The following ZNF469 variants were observed in gnomAD, a reference collection of about 807,000 sequenced individuals.
The protein encoded by ZNF469 is zinc finger protein 469.
Under a neutral mutation model 1.0 loss-of-function variants are expected in ZNF469, and 1 was observed. That is an observed-to-expected ratio of 1.00 (90% CI 0.35 to 4.73). The LOEUF (loss-of-function observed/expected upper bound fraction) is 4.73, where lower values mean the gene tolerates loss of function less well. Ranked by LOEUF, ZNF469 falls within the 30% of genes most tolerant of loss-of-function variation. ZNF469 has a pLI of 0.16. For missense variants in ZNF469, 6,100 were observed against 5,356.3 expected (o/e 1.14, Z -4.33); for synonymous variants, 2,703 against 2,363.4 (o/e 1.14, Z -4.17).
the ZNF469 span, among the ~76,000 whole-genome samples, chr16:88,208,199 C>A: frequency 9.9e-5 from 15 of 151,858 alleles, no homozygotes; most frequent in Non-Finnish European, 1.8e-4. Context: ...CCCTTCAAGC[C>A]AATTCCTGTG....
At chr16:88,425,201 A>G (rs542527116) in intron 2 of ZNF469, among the ~76,000 whole-genome samples, 29 of 151,824 alleles carry the variant, frequency 1.9e-4, no homozygotes, top group Non-Finnish European at 3.5e-4. Context: ...ACTCCTCCCC[A>G]CCATCCAGGA....
chr16:88,117,694 T>G, the ZNF469 span, among the ~76,000 whole-genome samples: 1 of 152,138 alleles, frequency 6.6e-6, no homozygotes, highest in African/African-American at 2.4e-5. Flanking sequence ...TCGGGGACCG[T>G]GGAAGAGGGG....
chr16:88,157,603 G>A, the ZNF469 span, among the ~76,000 whole-genome samples: 4 of 151,998 alleles, frequency 2.6e-5, no homozygotes, highest in African/African-American at 4.8e-5. Context: ...ACAGCACCAT[G>A]ACAGACCCTC....
At chr16:88,339,295 G>A in the ZNF469 span, among the ~76,000 whole-genome samples, 1 of 13,660 alleles carries the variant, frequency 7.3e-5, no homozygotes, top group Non-Finnish European at 1.7e-4. Context: ...ACAGGATGGC[G>A]GGGGATGGGG....
the ZNF469 span, among the ~76,000 whole-genome samples, chr16:88,337,997 A>G: frequency 6.6e-6 from 1 of 152,152 alleles, no homozygotes; most frequent in Non-Finnish European, 1.5e-5. Context: ...ATGAGGATCC[A>G]CTTTCTCTAT....
At chr16:88,254,159 C>T in the ZNF469 span, among the ~76,000 whole-genome samples, 2 of 152,142 alleles carry the variant, frequency 1.3e-5, no homozygotes, top group Non-Finnish European at 2.9e-5. Flanking sequence ...TATGTTTAGG[C>T]AACAATGCAT....
At chr16:88,305,473 C>T in the ZNF469 span, among the ~76,000 whole-genome samples, 2 of 150,710 alleles carry the variant, frequency 1.3e-5, no homozygotes, top group African/African-American at 4.9e-5. Flanking sequence ...CACACCCTCA[C>T]ACGTGCACAC....
chr16:88,374,740 C>T, the ZNF469 span, among the ~76,000 whole-genome samples: 1 of 152,144 alleles, frequency 6.6e-6, no homozygotes, highest in East Asian at 1.9e-4. Flanking sequence ...CTGAGCTCGG[C>T]GCCGTGTGCT....
the ZNF469 span, among the ~76,000 whole-genome samples, chr16:88,327,573 C>T: frequency 3.4e-4 from 52 of 152,192 alleles, no homozygotes; most frequent in Middle Eastern, 0.01. Context: ...TCTGTGCTCA[C>T]GGTGGGCTGC....
chr16:88,284,404 C>T, the ZNF469 span, among the ~76,000 whole-genome samples: 2 of 152,104 alleles, frequency 1.3e-5, no homozygotes, highest in Admixed American at 6.5e-5. Context: ...TGACTTGAGC[C>T]CATGAGTTTG....
chr16:88,254,996 C>T, the ZNF469 span, among the ~76,000 whole-genome samples: 1 of 152,196 alleles, frequency 6.6e-6, no homozygotes, highest in Non-Finnish European at 1.5e-5. Context: ...TCTCAATAAT[C>T]TTTTGACATT....
the ZNF469 span, among the ~76,000 whole-genome samples, chr16:88,165,072 A>G: frequency 6.6e-6 from 1 of 152,232 alleles, no homozygotes; most frequent in Non-Finnish European, 1.5e-5. Flanking sequence ...CATTGTGGGC[A>G]AGTGTGCCTT....
At chr16:88,372,335 TCA>T in the ZNF469 span, among the ~76,000 whole-genome samples, 1 of 67,996 alleles carries the variant, frequency 1.5e-5, no homozygotes, top group Non-Finnish European at 2.9e-5. Flanking sequence ...ATCACCACCA[TCA>T]TCACCATCAC....
At chr16:88,264,259 G>A in the ZNF469 span, among the ~76,000 whole-genome samples, 13 of 151,982 alleles carry the variant, frequency 8.6e-5, no homozygotes, top group Non-Finnish European at 1.8e-4. Flanking sequence ...AGAGAGGAGC[G>A]GACGCCCCGT....
intron 1 of ZNF469, among the ~76,000 whole-genome samples, chr16:88,402,436 A>G (rs565679192): frequency 6.6e-6 from 1 of 152,176 alleles, no homozygotes; most frequent in Non-Finnish European, 1.5e-5. Flanking sequence ...GTGCAGTGGG[A>G]GGGAGGATGG....
At chr16:88,192,900 G>C in the ZNF469 span, among the ~76,000 whole-genome samples, 136 of 150,748 alleles carry the variant, frequency 9.0e-4, no homozygotes, top group Non-Finnish European at 1.6e-3. Flanking sequence ...TGGTGATGGT[G>C]GTGATGATGG....
the ZNF469 span, among the ~76,000 whole-genome samples, chr16:88,187,599 A>AT: frequency 0.034 from 5,092 of 151,300 alleles, 295 homozygotes; most frequent in African/African-American, 0.12. Flanking sequence ...TTTTTTATTT[A>AT]TTTTTTTTGA....
the ZNF469 span, among the ~76,000 whole-genome samples, chr16:88,180,243 A>T: frequency 6.6e-6 from 1 of 152,236 alleles, no homozygotes; most frequent in Non-Finnish European, 1.5e-5. Context: ...ACTTCCCAAT[A>T]AAAATATCCA....
At chr16:88,401,862 G>A (rs1229150247) in intron 1 of ZNF469, among the ~76,000 whole-genome samples, 1 of 151,208 alleles carries the variant, frequency 6.6e-6, no homozygotes, top group Non-Finnish European at 1.5e-5. Flanking sequence ...AAGGGTGGAG[G>A]AATAGGTAGA....
Sources: allele counts gnomAD v4.1 joint callset (sites outside exome capture counted in the v4.1 genomes callset), GRCh38; gene constraint gnomAD v4.1.1; transcripts MANE v1.5; gene names NCBI Gene and HGNC (gene_info 2026-07-23, HGNC 2026-07-21).